The following SCUBE2 variants were observed in gnomAD, a reference collection of about 807,000 sequenced individuals.
SCUBE2 encodes the protein signal peptide, CUB domain and EGF like domain containing 2, also known as signal peptide, CUB and EGF-like domain-containing protein 2.
A neutral mutation model predicts 125.9 loss-of-function variants in SCUBE2; 114 were observed. That is an observed-to-expected ratio of 0.91 (90% CI 0.78 to 1.06). SCUBE2 has a LOEUF of 1.06. Ranked by LOEUF, SCUBE2 falls within the 50% of genes least tolerant of loss-of-function variation. The probability of loss-of-function intolerance (pLI) is 0.00; values close to 1 mark genes in which losing one functional copy is unlikely to be tolerated. For missense variants in SCUBE2, 1,255 were observed against 1,301.8 expected (o/e 0.96, Z 0.55); for synonymous variants, 459 against 492.9 (o/e 0.93, Z 0.91).
At position 9,074,420 on chromosome 11, in the gene SCUBE2, G is replaced by A. The variant is rs56149362; in HGVS notation, c.517+61C>T. 17,634 of 1,588,100 alleles carry A rather than the reference G, an allele frequency of 0.011. 1,417 individuals carry two copies. In the African/African-American group the frequency reaches 0.19, roughly 17 times the overall value. On this transcript the variant is annotated intron_variant, in intron 4 of 22. Coordinates refer to ENST00000649792, the MANE Select transcript of SCUBE2 (RefSeq NM_001367977.2). Reference sequence around the variant, plus strand: ...CCCTCTAGAGTCAGTGTGTGTGTGCGCGTGCAAGGGAGAGGGTCTCAGATG... The same window carrying A: ...CCCTCTAGAGTCAGTGTGTGTGTGCACGTGCAAGGGAGAGGGTCTCAGATG...
intron 7 of SCUBE2, among the ~76,000 whole-genome samples, chr11:9,063,633 T>C (rs1194124169): frequency 6.6e-6 from 1 of 152,204 alleles, no homozygotes; most frequent in Non-Finnish European, 1.5e-5. Flanking sequence ...GGCATGCAAA[T>C]TTTTAAATAC....
chr11:9,080,834 A>G (rs1295675238), intron 2 of SCUBE2, among the ~76,000 whole-genome samples: 5 of 152,194 alleles, frequency 3.3e-5, no homozygotes. Context: ...ACAGATTGGT[A>G]GAAAATATTT....
intron 16 of SCUBE2, among the ~76,000 whole-genome samples, chr11:9,034,792 C>T (rs1377481243): frequency 6.6e-6 from 1 of 151,638 alleles, no homozygotes; most frequent in East Asian, 1.9e-4. Flanking sequence ...ACCAGCCTGG[C>T]CAACATGGAG....
intron 7 of SCUBE2, among the ~76,000 whole-genome samples, chr11:9,064,378 A>C (rs1168914658): frequency 1.3e-5 from 2 of 151,866 alleles, no homozygotes; most frequent in East Asian, 3.9e-4. Context: ...AGGTGAGAGA[A>C]TCGCTTGAGC....
chr11:9,091,401 T>G lies in SCUBE2; in HGVS notation c.128A>C (p.Gln43Pro). ...CCCCGCGGCCGGACACTCACCCTCC[T>G]GCGGCCCCGCGGCACGGCCCCGACC... ...PPGRGRAAGP[Q>P]EDVDECAQGL... The change falls in exon 1 of 23, where the codon CAG becomes CCG. Residue 43 changes from glutamine to proline, a missense_variant. By Grantham distance (76) the Gln-to-Pro change is moderately conservative. This residue lies in a region of SCUBE2 where 362 missense variants were observed against 323.0 expected (regional missense o/e 1.12). Transcript: ENST00000649792. This position sits in a 1 kb window ranked among gnomAD's most constrained non-coding sequence, Gnocchi z 8.5. 1 of 1,308,468 alleles carries G rather than the reference T, an allele frequency of 7.6e-7. No homozygotes were observed. The highest frequency in any genetic ancestry group is 2.2e-5 in the South Asian group (1 of 44,760). 81.1% of individuals were successfully genotyped at this position (1,308,468 alleles called of 1,614,324 possible).
intron 10 of SCUBE2, among the ~76,000 whole-genome samples, chr11:9,054,699 G>GTATATATATATA (rs1491160291): frequency 0.01 from 452 of 44,634 alleles, 65 homozygotes; most frequent in South Asian, 0.038. Flanking sequence ...CAAAGCACTA[G>GTATATATATATA]TGTATATATA....
In SCUBE2 at chr11:9,074,690, C is replaced by G. The variant is rs1861079408; in HGVS notation, c.383-75G>C. The stretch of plus-strand genomic sequence containing the variant: ...CCACCTCACCCAGCAGCTCAGGGGC[C>G]CTGCTAAGCAAAGATGAGGTTCCTC... On this transcript the variant is annotated intron_variant, in intron 3 of 22. Coordinates refer to ENST00000649792, the MANE Select transcript of SCUBE2 (RefSeq NM_001367977.2). 2.6e-6 allele frequency: 4 copies of G among 1,543,608 alleles called. No homozygotes were observed. In the South Asian group the frequency reaches 4.6e-5, roughly 18 times the overall value.
intron 1 of SCUBE2, among the ~76,000 whole-genome samples, chr11:9,090,915 C>T (rs1862633296): frequency 6.6e-6 from 1 of 152,250 alleles, no homozygotes; most frequent in Admixed American, 6.5e-5. Context: ...ATTCCCAGAT[C>T]GGAACAGGCG....
chr11:9,029,743 G>T, intron 19 of SCUBE2, 141 bp downstream of exon 19: 1 of 879,840 alleles, frequency 1.1e-6, no homozygotes, highest in Non-Finnish European at 1.8e-6. Context: ...ATGCTGGTCT[G>T]CATGGCTGTG....
At chr11:9,021,825 C>G in intron 22 of SCUBE2, 51 bp downstream of exon 22, 1 of 1,369,640 alleles carries the variant, frequency 7.3e-7, no homozygotes, top group Non-Finnish European at 1.0e-6. Context: ...TCCAACAGTA[C>G]TCGGGAAGCT....
chr11:9,020,963 T>A lies in SCUBE2; in HGVS notation c.*82A>T, dbSNP rs571950591. The stretch of plus-strand genomic sequence containing the variant: ...GATACGGGAGGCAGCAATACCCGAC[T>A]GTGCTGACATGCAGAAGGAAGACAG... On this transcript the variant is annotated 3_prime_UTR_variant, in exon 23 of 23. Transcript: ENST00000649792. 2.9e-5 allele frequency: 37 copies of A among 1,271,316 alleles called. No homozygotes were observed. In the South Asian group the frequency reaches 5.9e-4, roughly 20 times the overall value. The allele number at this position is 1,271,316 out of a possible 1,614,324, so 78.8% of individuals were successfully genotyped here. A position where few individuals can be genotyped will look rare whatever the true frequency, so the allele number is the denominator to read the frequency against.
intron 19 of SCUBE2, among the ~76,000 whole-genome samples, chr11:9,028,365 T>C (rs1352652861): frequency 1.3e-5 from 2 of 152,096 alleles, no homozygotes; most frequent in East Asian, 3.9e-4. Flanking sequence ...GGAAGAAAAT[T>C]CTAATTAGCT....
chr11:9,069,029 T>TA (rs560707559), intron 5 of SCUBE2, among the ~76,000 whole-genome samples: 2 of 152,294 alleles, frequency 1.3e-5, no homozygotes, highest in South Asian at 2.1e-4. Flanking sequence ...ATGAGGTTTA[T>TA]AGGGGAAGCA....
At chr11:9,052,582 T>C (rs1343120129) in intron 13 of SCUBE2, among the ~76,000 whole-genome samples, 164 bp downstream of exon 13, 1 of 152,138 alleles carries the variant, frequency 6.6e-6, no homozygotes, top group Admixed American at 6.5e-5. Context: ...GAGAGTCACA[T>C]TCCGGGCACC....
chr11:9,051,644 A>G (rs1248655042), intron 13 of SCUBE2, among the ~76,000 whole-genome samples: 1 of 152,228 alleles, frequency 6.6e-6, no homozygotes, highest in African/African-American at 2.4e-5. Flanking sequence ...TGAGAACTTG[A>G]GCAAGTTACT....
chr11:9,020,443 T>C lies in SCUBE2; in HGVS notation c.*602A>G, dbSNP rs936058194. The C allele has an allele frequency of 2.6e-5, 4 of 152,092 alleles. No individual in the cohort carries two copies. Among genetic ancestry groups the C allele is most frequent in the Non-Finnish European group, 4.4e-5 (3 of 67,988 alleles). The allele number at this position is 152,092 out of a possible 1,614,324, so 9.4% of individuals were successfully genotyped here. A position where few individuals can be genotyped will look rare whatever the true frequency, so the allele number is the denominator to read the frequency against. ...TTTCTAATTCTTTCTGCTTTTTTTTTTCACGAGCACTGCTTAGAACTCAAG... is the reference window on the plus strand; with the variant it reads ...TTTCTAATTCTTTCTGCTTTTTTTTCTCACGAGCACTGCTTAGAACTCAAG... On this transcript the variant is annotated 3_prime_UTR_variant, in exon 23 of 23. Coordinates refer to ENST00000649792, the MANE Select transcript of SCUBE2 (RefSeq NM_001367977.2).
intron 15 of SCUBE2, 107 bp from the exon 16 acceptor site, chr11:9,047,669 C>G: frequency 8.4e-7 from 1 of 1,187,038 alleles, no homozygotes; most frequent in East Asian, 2.5e-5. Context: ...CCCTGTGGAC[C>G]GAATGGGGAG....
chr11:9,076,496 C>T (rs553832399), intron 3 of SCUBE2, among the ~76,000 whole-genome samples: 8 of 151,898 alleles, frequency 5.3e-5, no homozygotes, highest in South Asian at 4.2e-4. Context: ...ATACAGCAGG[C>T]GCTCATTAAC....
At chr11:9,039,926 T>C (rs1284375157) in intron 16 of SCUBE2, among the ~76,000 whole-genome samples, 2 of 152,150 alleles carry the variant, frequency 1.3e-5, no homozygotes, top group African/African-American at 2.4e-5. Context: ...CATCACAAAA[T>C]AGAAAGCAGC....
Sources: gnomAD v4.1 joint callset for allele counts (sites outside exome capture counted in the v4.1 genomes callset) on GRCh38, gnomAD v4.1.1 for gene constraint, gnomAD v4.1.1 regional missense constraint, Gnocchi (gnomAD v3.1) non-coding constraint, MANE v1.5 for transcripts, NCBI Gene and HGNC (gene_info 2026-07-23, HGNC 2026-07-21) for gene names.